TEKT5: variants seen among roughly 807,000 people sequenced by gnomAD.
TEKT5 encodes the protein tektin 5.
In TEKT5, 52 loss-of-function variants were observed where a neutral mutation model predicts 48.7. The observed-to-expected ratio is 1.07, with a 90% CI of 0.86 to 1.35. TEKT5 has a LOEUF of 1.35. Among genes scored for constraint, TEKT5 ranks in the 40% most tolerant of loss-of-function variants. The pLI, the probability that TEKT5 is intolerant of heterozygous loss-of-function variation, is 0.00. For synonymous variants in TEKT5, 318 were observed against 267.6 expected, an observed-to-expected ratio of 1.19 and a Z score of -1.84; for missense variants, 831 against 641.6, an observed-to-expected ratio of 1.30 and a Z score of -3.19.
Position 10,627,584 on chromosome 16 carries a change from C to CAG in TEKT5, c.1455_1456dup (p.Ter486SerfsTer?), listed in dbSNP as rs1292355717. On this transcript the variant is annotated frameshift_variant and stop_lost, in exon 7 of 7. Transcript: ENST00000283025. LOFTEE classifies it high-confidence loss of function. ...CGGAATGAGGCGCCAGGGCGGTGCT[C>CAG]AGGTGTGGCCCACCAGGCGCGGGGT... is the stretch of plus-strand genomic sequence containing the variant. 6.2e-7 allele frequency: 1 copy of CAG among 1,613,972 alleles called. No homozygotes were observed. The highest frequency in any genetic ancestry group is 2.2e-5 in the East Asian group (1 of 44,902).
At chr16:10,636,031 A>C in intron 5 of TEKT5, 113 bp from the exon 6 acceptor site, 2 of 1,476,572 alleles carry the variant, frequency 1.4e-6, no homozygotes, top group East Asian at 4.6e-5. Flanking sequence ...CACTTAAGAT[A>C]CTCCTTCCCC....
intron 5 of TEKT5, among the ~76,000 whole-genome samples, chr16:10,650,132 C>A (rs370618080): frequency 2.6e-5 from 4 of 152,050 alleles, no homozygotes; most frequent in South Asian, 2.1e-4. Context: ...AGTGCAGTGG[C>A]GCAATCTCGG....
intron 5 of TEKT5, among the ~76,000 whole-genome samples, chr16:10,647,009 G>A (rs1898079838): frequency 6.6e-6 from 1 of 152,204 alleles, no homozygotes; most frequent in Non-Finnish European, 1.5e-5. Flanking sequence ...CTTCAGCCCA[G>A]CGCAGAAGAA....
chr16:10,685,891 C>T (rs536509997), intron 3 of TEKT5, among the ~76,000 whole-genome samples: 1 of 152,306 alleles, frequency 6.6e-6, no homozygotes, highest in South Asian at 2.1e-4. Flanking sequence ...GCAAAAGCGG[C>T]CTCCTGATCC....
At chr16:10,630,096 A>C (rs1340521652) in intron 6 of TEKT5, among the ~76,000 whole-genome samples, 1 of 151,726 alleles carries the variant, frequency 6.6e-6, no homozygotes, top group Non-Finnish European at 1.5e-5. Context: ...AAACTGCACT[A>C]GGCTAATTTT....
chr16:10,680,597 T>C (rs1221218888), intron 4 of TEKT5, among the ~76,000 whole-genome samples: 2 of 151,980 alleles, frequency 1.3e-5, no homozygotes, highest in Non-Finnish European at 2.9e-5. Flanking sequence ...TAGCAAAGAC[T>C]TGGAGCCAAC....
At chr16:10,648,552 G>T (rs554656617) in intron 5 of TEKT5, among the ~76,000 whole-genome samples, 2 of 152,036 alleles carry the variant, frequency 1.3e-5, no homozygotes, top group Non-Finnish European at 2.9e-5. Context: ...GGCTGGTCTC[G>T]AACTCCCGGC....
At chr16:10,654,426 A>G (rs1306792925) in intron 5 of TEKT5, among the ~76,000 whole-genome samples, 1 of 152,172 alleles carries the variant, frequency 6.6e-6, no homozygotes, top group Non-Finnish European at 1.5e-5. Flanking sequence ...GGACAGCCAG[A>G]TAGCTGGTAA....
chr16:10,671,825 A>T (rs1453593828), intron 5 of TEKT5: 1 of 152,222 alleles, frequency 6.6e-6, no homozygotes, highest in Non-Finnish European at 1.5e-5. Flanking sequence ...CCTTTTATAG[A>T]ACCACCAGGT....
chr16:10,638,153 A>T (rs1897941946), intron 5 of TEKT5, among the ~76,000 whole-genome samples: 1 of 151,776 alleles, frequency 6.6e-6, no homozygotes, highest in Non-Finnish European at 1.5e-5. Context: ...TGTGTTTGAA[A>T]CTTTCCACAA....
intron 3 of TEKT5, among the ~76,000 whole-genome samples, chr16:10,682,870 C>A (rs900512249): frequency 6.6e-6 from 1 of 152,202 alleles, no homozygotes; most frequent in Non-Finnish European, 1.5e-5. Context: ...AGATATCAAT[C>A]CACACTTTGG....
At chr16:10,632,098 G>A (rs1359072701) in intron 6 of TEKT5, among the ~76,000 whole-genome samples, 2 of 152,168 alleles carry the variant, frequency 1.3e-5, no homozygotes, top group African/African-American at 4.8e-5. Flanking sequence ...GGGCTAGAGA[G>A]AAGCAAAGAG....
At chr16:10,652,765 A>AACACACACACAC (rs59542661) in intron 5 of TEKT5, among the ~76,000 whole-genome samples, 1 of 33,978 alleles carries the variant, frequency 2.9e-5, no homozygotes, top group Non-Finnish European at 4.6e-5. Flanking sequence ...TACACAGGCA[A>AACACACACACAC]ACACACACAC....
At chr16:10,677,775 C>T (rs977305172) in intron 4 of TEKT5, among the ~76,000 whole-genome samples, 1 of 152,132 alleles carries the variant, frequency 6.6e-6, no homozygotes, top group African/African-American at 2.4e-5. Flanking sequence ...CGCAGCCTCT[C>T]CCCTCCCACA....
chr16:10,661,344 C>A (rs9923097), intron 5 of TEKT5, among the ~76,000 whole-genome samples: 56,873 of 152,016 alleles, frequency 0.37, 11,271 homozygotes, highest in African/African-American at 0.49. Flanking sequence ...CTCGCTACTC[C>A]AAGTGTGGTC....
intron 3 of TEKT5, among the ~76,000 whole-genome samples, chr16:10,684,880 C>A (rs1596418889): frequency 6.6e-6 from 1 of 152,284 alleles, no homozygotes; most frequent in Non-Finnish European, 1.5e-5. Context: ...CAGCAAGGAC[C>A]CCACCCTGCC....
intron 3 of TEKT5, among the ~76,000 whole-genome samples, chr16:10,683,134 C>T (rs1011897349): frequency 9.9e-6 from 1 of 101,094 alleles, no homozygotes; most frequent in East Asian, 5.4e-4. Flanking sequence ...TCAGGGAAGG[C>T]TTTCCAAGGT....
chr16:10,651,500 G>A (rs1301835203), intron 5 of TEKT5, among the ~76,000 whole-genome samples: 4 of 152,184 alleles, frequency 2.6e-5, no homozygotes, highest in South Asian at 2.1e-4. Flanking sequence ...CTGGAGCATA[G>A]TAAATAATAA....
chr16:10,687,163 C>T (rs1371657804), intron 3 of TEKT5, among the ~76,000 whole-genome samples: 4 of 152,028 alleles, frequency 2.6e-5, no homozygotes, highest in Non-Finnish European at 5.9e-5. Flanking sequence ...ACATGGTGAC[C>T]ATAGTTAACA....
Sources: gnomAD v4.1 joint callset for allele counts (sites outside exome capture counted in the v4.1 genomes callset) on GRCh38, gnomAD v4.1.1 for gene constraint, MANE v1.5 for transcripts, NCBI Gene and HGNC (gene_info 2026-07-23, HGNC 2026-07-21) for gene names.